The following KREMEN1 variants were observed in gnomAD, a reference collection of about 807,000 sequenced individuals.
KREMEN1 encodes the protein kremen protein 1.
KREMEN1 carries 30 observed loss-of-function variants against 46.5 expected under a neutral mutation model. The observed-to-expected ratio is 0.65, with a 90% CI of 0.48 to 0.88. The LOEUF is 0.88. Ranked by LOEUF, KREMEN1 falls within the 40% of genes least tolerant of loss-of-function variation. The probability of loss-of-function intolerance (pLI) is 0.00; values close to 1 mark genes in which losing one functional copy is unlikely to be tolerated. For synonymous variants in KREMEN1, 214 were observed against 230.6 expected (o/e 0.93, Z 0.65); for missense variants, 533 against 596.9 (o/e 0.89, Z 1.11).
In KREMEN1 at chr22:29,145,681, G is replaced by T; in HGVS notation, c.*3569G>T. The T allele has an allele frequency of 3.0e-6, 3 of 985,498 alleles. No individual in the cohort carries two copies. The highest frequency in any genetic ancestry group is 3.6e-6 in the Non-Finnish European group (3 of 829,974). 61.0% of individuals were successfully genotyped at this position (985,498 alleles called of 1,614,324 possible). A position where few individuals can be genotyped will look rare whatever the true frequency, so the allele number is the denominator to read the frequency against. On this transcript the variant is annotated 3_prime_UTR_variant, in exon 9 of 9. Transcript: ENST00000400335. ...TGCTTGCAAAGCAGAGAATGAGTAG[G>T]AGTGAACCCGAGTGACTTCACCCGC...
At chr22:29,108,078 G>A (rs1004269206) in intron 3 of KREMEN1, among the ~76,000 whole-genome samples, 2 of 152,228 alleles carry the variant, frequency 1.3e-5, no homozygotes, top group Admixed American at 6.5e-5. Flanking sequence ...TTGAGCCCAC[G>A]AGTTCAACGC....
downstream of KREMEN1, among the ~76,000 whole-genome samples, chr22:29,147,256 G>A (rs569239931): frequency 5.9e-5 from 9 of 152,184 alleles, no homozygotes; most frequent in Non-Finnish European, 1.0e-4. Flanking sequence ...TATTATCCCA[G>A]GTGGAACTGA....
In KREMEN1 at chr22:29,145,505, C is replaced by A; in HGVS notation, c.*3393C>A. 1.0e-6 allele frequency: 1 copy of A among 985,596 alleles called. No homozygotes were observed. Among genetic ancestry groups the A allele is most frequent in the East Asian group, 1.1e-4 (1 of 8,812 alleles). 61.1% of individuals were successfully genotyped at this position (985,596 alleles called of 1,614,324 possible). The stretch of plus-strand genomic sequence containing the variant: ...CTTGGTACCTGTGCCAACAGGAGAG[C>A]CCTCACCAGCCGATCTTGTCACTCT... On this transcript the variant is annotated 3_prime_UTR_variant, in exon 9 of 9. Transcript: ENST00000400335.
At chr22:29,125,076 T>C in intron 4 of KREMEN1, 187 bp from the exon 5 acceptor site, 1 of 612,502 alleles carries the variant, frequency 1.6e-6, no homozygotes, top group Non-Finnish European at 2.9e-6. Flanking sequence ...AACACATTGG[T>C]GGTTGCGTAC....
intron 9 of KREMEN1, among the ~76,000 whole-genome samples, chr22:29,160,288 C>T (rs954919991): frequency 9.3e-5 from 14 of 150,818 alleles, no homozygotes; most frequent in African/African-American, 1.7e-4. Flanking sequence ...CCTAGCACTT[C>T]GGGAGGCCAA....
chr22:29,156,303 A>C (rs2038960897), intron 9 of KREMEN1, among the ~76,000 whole-genome samples: 19 of 152,280 alleles, frequency 1.2e-4, no homozygotes, highest in Admixed American at 1.2e-3. Context: ...CTCTTTGTTA[A>C]CTACAAAATA....
intron 9 of KREMEN1, among the ~76,000 whole-genome samples, chr22:29,158,562 C>A (rs2038983910): frequency 6.6e-6 from 1 of 152,192 alleles, no homozygotes; most frequent in Non-Finnish European, 1.5e-5. Context: ...CACAAAGGCC[C>A]CACATTTGGC....
chr22:29,098,996 A>AC, intron 3 of KREMEN1, 43 bp downstream of exon 3: 1 of 1,442,890 alleles, frequency 6.9e-7, no homozygotes, highest in Non-Finnish European at 9.8e-7. Flanking sequence ...AGGACTGTGA[A>AC]CACTAAGAGT....
intron 9 of KREMEN1, among the ~76,000 whole-genome samples, chr22:29,163,197 T>C (rs570329980): frequency 6.6e-6 from 1 of 152,198 alleles, no homozygotes; most frequent in South Asian, 2.1e-4. Context: ...GTTTTAAAAG[T>C]GGAATTTTTT....
chr22:29,099,740 G>C (rs1351399572), intron 3 of KREMEN1, among the ~76,000 whole-genome samples: 2 of 151,786 alleles, frequency 1.3e-5, no homozygotes, highest in African/African-American at 4.8e-5. Context: ...AGTAGAAATG[G>C]GGCTTCACCA....
rs146754247 is a variant in KREMEN1, at chr22:29,164,342, G to A, written c.1417-2702G>A. On this transcript the variant is annotated intron_variant, in intron 9 of 9. Coordinates refer to the KREMEN1 transcript ENST00000327813. ...GAGCCTGGCACAATGATCTCAATCT[G>A]GTTACAAAGCATGATTCCAGAGAAG... is the stretch of plus-strand genomic sequence containing the variant. 5.5e-3 allele frequency among the ~76,000 whole-genome samples: 845 copies of A among 152,264 alleles called. 6 individuals are homozygous for A. Among genetic ancestry groups the A allele is most frequent in the Non-Finnish European group, 8.2e-3 (559 of 68,022 alleles).
chr22:29,095,830 A>G (rs1389592010), intron 2 of KREMEN1, among the ~76,000 whole-genome samples: 2 of 149,044 alleles, frequency 1.3e-5, no homozygotes, highest in African/African-American at 4.9e-5. Flanking sequence ...CCTAGTTGCT[A>G]TTGACTTATT....
Position 29,073,218 on chromosome 22 carries a change from C to A in KREMEN1, c.88C>A (p.Pro30Thr). 8.5e-7 allele frequency: 1 copy of A among 1,175,718 alleles called. No homozygotes were observed. The highest frequency in any genetic ancestry group is 3.7e-5 in the East Asian group (1 of 26,862). 72.8% of individuals were successfully genotyped at this position (1,175,718 alleles called of 1,614,324 possible). A position where few individuals can be genotyped will look rare whatever the true frequency, so the allele number is the denominator to read the frequency against. The change falls in exon 1 of 9, where the codon CCC (proline) becomes ACC (threonine). Residue 30 changes from proline to threonine, a missense_variant. By Grantham distance (38) the Pro-to-Thr change is conservative (BLOSUM62 -1). Transcript: ENST00000400335. This position sits in a 1 kb window ranked among gnomAD's most constrained non-coding sequence, Gnocchi z 4.4. ...ARPAPSPGLG[P>T]GPECFTANGA... ...GCCCGCGCCTAGCCCCGGCCTCGGCCCCGGACCCGGTGAGTGTGAGCGACC... is the reference window on the plus strand; with the variant it reads ...GCCCGCGCCTAGCCCCGGCCTCGGCACCGGACCCGGTGAGTGTGAGCGACC...
intron 1 of KREMEN1, among the ~76,000 whole-genome samples, chr22:29,079,100 T>A (rs2037616475): frequency 6.6e-6 from 1 of 152,208 alleles, no homozygotes; most frequent in African/African-American, 2.4e-5. Context: ...TTTGTCTGTA[T>A]TCAGACTGAT....
At chr22:29,148,215 G>T (rs1387980110), downstream of KREMEN1, among the ~76,000 whole-genome samples, 2 of 152,142 alleles carry the variant, frequency 1.3e-5, no homozygotes, top group Non-Finnish European at 2.9e-5. Context: ...GGCAGGCATT[G>T]GACAGACAGC....
In KREMEN1 at chr22:29,125,083, G is replaced by A. The variant is rs67157227; in HGVS notation, c.478-180G>A. ...GACAGGGAAACACATTGGTGGTTGC[G>A]TACTTATTGTTCAGCTTGAAATTAA... On this transcript the variant is annotated intron_variant, in intron 4 of 8. Transcript: ENST00000400335. The A allele has an allele frequency of 1.8e-3, 1,153 of 643,184 alleles. 19 individuals carry two copies. The South Asian group carries it at 0.019, about 11-fold the overall frequency. The allele number at this position is 643,184 out of a possible 1,614,324, so 39.8% of individuals were successfully genotyped here.
At chr22:29,094,570 CT>C in intron 2 of KREMEN1, 150 bp downstream of exon 2, 1 of 362,244 alleles carries the variant, frequency 2.8e-6, no homozygotes, top group South Asian at 2.8e-5. Flanking sequence ...TCTTTCACAC[CT>C]TACACACACA....
chr22:29,156,524 T>C (rs1383599022), intron 9 of KREMEN1, among the ~76,000 whole-genome samples: 2 of 152,028 alleles, frequency 1.3e-5, no homozygotes, highest in Non-Finnish European at 2.9e-5. Flanking sequence ...AACTTGGTGA[T>C]TGGTGGGCCT....
chr22:29,080,941 CTTTTTTT>C (rs71313000), intron 1 of KREMEN1, among the ~76,000 whole-genome samples: 1 of 112,276 alleles, frequency 8.9e-6, no homozygotes, highest in African/African-American at 3.5e-5. Context: ...TTTTTTTGTC[CTTTTTTT>C]TTTTTTTTTT....
Sources: allele counts gnomAD v4.1 joint callset (sites outside exome capture counted in the v4.1 genomes callset), GRCh38; gene constraint gnomAD v4.1.1; non-coding constraint Gnocchi (gnomAD v3.1); transcripts MANE v1.5; gene names NCBI Gene and HGNC (gene_info 2026-07-23, HGNC 2026-07-21).